OSBPL8: variants seen among roughly 807,000 people sequenced by gnomAD.
OSBPL8 encodes the protein oxysterol-binding protein-related protein 8.
In OSBPL8, 59 loss-of-function variants were observed where a neutral mutation model predicts 125.5. The observed-to-expected ratio is 0.47, with a 90% CI of 0.38 to 0.58. The LOEUF is 0.58. Ranked by LOEUF, OSBPL8 falls within the 20% of genes least tolerant of loss-of-function variation. The pLI is 0.00. For synonymous variants in OSBPL8, 330 were observed against 338.9 expected, an observed-to-expected ratio of 0.97 and a Z score of 0.29; for missense variants, 758 against 1,047.8, an observed-to-expected ratio of 0.72 and a Z score of 3.82.
chr12:76,476,196 G>T (rs748659286), intron 2 of OSBPL8, among the ~76,000 whole-genome samples: 3 of 152,178 alleles, frequency 2.0e-5, no homozygotes, highest in Non-Finnish European at 2.9e-5. Flanking sequence ...ATGGTGAAAA[G>T]TTAGTCCCTG....
chr12:76,520,720 G>A (rs970064061), intron 1 of OSBPL8, among the ~76,000 whole-genome samples: 7 of 152,060 alleles, frequency 4.6e-5, no homozygotes, highest in African/African-American at 1.7e-4. Flanking sequence ...GAGATAATGA[G>A]ATGATGGGGA....
chr12:76,525,500 T>C (rs1211683629), intron 1 of OSBPL8, among the ~76,000 whole-genome samples: 4 of 151,826 alleles, frequency 2.6e-5, no homozygotes, highest in African/African-American at 9.7e-5. Context: ...AAGAGCAATA[T>C]TCATTATGCA....
At chr12:76,394,005 C>G (rs1953684966) in intron 9 of OSBPL8, among the ~76,000 whole-genome samples, 1 of 151,912 alleles carries the variant, frequency 6.6e-6, no homozygotes, top group Non-Finnish European at 1.5e-5. Flanking sequence ...GGCAACAGAG[C>G]GAGACTCCAT....
chr12:76,444,425 C>T (rs909245575), intron 4 of OSBPL8, among the ~76,000 whole-genome samples: 2 of 152,068 alleles, frequency 1.3e-5, no homozygotes, highest in Middle Eastern at 3.2e-3. Flanking sequence ...CAAAAGAGAA[C>T]AGATTTAAAC....
chr12:76,531,540 G>T lies in OSBPL8; in HGVS notation c.-68+27857C>A, dbSNP rs530046453. ...GGAGACAGGAAAATATTAATAAGAT[G>T]TATCAAACTGTGACAATATGTGAAG... is the stretch of plus-strand genomic sequence containing the variant. On this transcript the variant is annotated intron_variant, in intron 1 of 23. Transcript: ENST00000261183. Among the ~76,000 whole-genome samples, 10 of 152,278 alleles carry T rather than the reference G, an allele frequency of 6.6e-5. No homozygotes were observed. The South Asian group carries it at 1.0e-3, about 16-fold the overall frequency.
At chr12:76,475,135 T>C (rs1183362884) in intron 2 of OSBPL8, among the ~76,000 whole-genome samples, 1 of 152,228 alleles carries the variant, frequency 6.6e-6, no homozygotes, top group East Asian at 1.9e-4. Context: ...ATTTTTTTTA[T>C]TTTAATCTTA....
At position 76,538,650 on chromosome 12, in the gene OSBPL8, T is replaced by A. The variant is rs183176379; in HGVS notation, c.-68+20747A>T. Among the ~76,000 whole-genome samples the A allele has an allele frequency of 2.9e-3, 447 of 152,234 alleles. 1 individual carries two copies. The highest frequency in any genetic ancestry group is 3.3e-3 in the Non-Finnish European group (222 of 68,000). ...GAAATTTGTCTATGGGACATCTATA[T>A]TATTCAGAACTTTGAGACCCAGTGC... On this transcript the variant is annotated intron_variant, in intron 1 of 23. Transcript: ENST00000261183.
intron 3 of OSBPL8, among the ~76,000 whole-genome samples, chr12:76,458,002 C>G (rs985065480): frequency 3.9e-5 from 6 of 152,156 alleles, no homozygotes; most frequent in Non-Finnish European, 7.3e-5. Flanking sequence ...TGCAGTGGCT[C>G]ACACCTGCAA....
At chr12:76,365,573 T>G (rs908710023) in intron 21 of OSBPL8, among the ~76,000 whole-genome samples, 1 of 152,194 alleles carries the variant, frequency 6.6e-6, no homozygotes, top group East Asian at 1.9e-4. Context: ...GTTTTACTTG[T>G]TTCCAATTTT....
At position 76,354,082 on chromosome 12, in the gene OSBPL8, T is replaced by C. The variant is rs1312311636; in HGVS notation, c.*1807A>G. ...ATTTAAACCATAAAAAAGATCAAATTGTACAATATTTACAGAATATCATAT... is the reference window on the plus strand; with the variant it reads ...ATTTAAACCATAAAAAAGATCAAATCGTACAATATTTACAGAATATCATAT... On this transcript the variant is annotated 3_prime_UTR_variant, in exon 24 of 24. Coordinates refer to ENST00000261183, the MANE Select transcript of OSBPL8 (RefSeq NM_020841.5). The C allele has an allele frequency of 6.6e-6, 1 of 152,290 alleles. No individual in the cohort carries two copies. Among genetic ancestry groups the C allele is most frequent in the Non-Finnish European group, 1.5e-5 (1 of 67,780 alleles). 9.4% of individuals were successfully genotyped at this position (152,290 alleles called of 1,614,324 possible).
intron 8 of OSBPL8, 28 bp downstream of exon 8, chr12:76,397,666 T>G: frequency 6.3e-7 from 1 of 1,594,266 alleles, no homozygotes. Context: ...ATCTTTACCT[T>G]TCACCTATGT....
intron 1 of OSBPL8, among the ~76,000 whole-genome samples, chr12:76,526,635 C>CTTTTTTT (rs573409160): frequency 9.3e-5 from 6 of 64,264 alleles, no homozygotes; most frequent in Admixed American, 2.8e-4. Context: ...CAGTAAATCT[C>CTTTTTTT]TTTTTTTTTT....
At chr12:76,539,264 G>A (rs1377515849) in intron 1 of OSBPL8, among the ~76,000 whole-genome samples, 10 of 151,982 alleles carry the variant, frequency 6.6e-5, no homozygotes, top group East Asian at 3.9e-4. Flanking sequence ...TTCTCTATGC[G>A]TATTTATGTC....
intron 4 of OSBPL8, among the ~76,000 whole-genome samples, chr12:76,421,879 C>T (rs1592652595): frequency 7.4e-6 from 1 of 135,756 alleles, no homozygotes; most frequent in African/African-American, 2.7e-5. Context: ...CTGTCAAATG[C>T]CTAATAAATA....
At chr12:76,382,716 C>G (rs941718346) in intron 15 of OSBPL8, among the ~76,000 whole-genome samples, 32 of 152,278 alleles carry the variant, frequency 2.1e-4, no homozygotes, top group African/African-American at 7.2e-4. Context: ...AACCCCATCT[C>G]TACTAAAAAT....
intron 3 of OSBPL8, among the ~76,000 whole-genome samples, chr12:76,455,196 TTGCACCAC>T (rs1873886684): frequency 6.6e-6 from 1 of 151,702 alleles, no homozygotes; most frequent in South Asian, 2.1e-4. Context: ...TGAGCCGAGA[TTGCACCAC>T]TGCACTCCAG....
At chr12:76,447,466 A>G (rs1872840978) in intron 4 of OSBPL8, among the ~76,000 whole-genome samples, 1 of 152,232 alleles carries the variant, frequency 6.6e-6, no homozygotes, top group Non-Finnish European at 1.5e-5. Context: ...AAGATACAGA[A>G]ACAAATTAAG....
At chr12:76,501,541 G>T (rs1476938607) in intron 1 of OSBPL8, among the ~76,000 whole-genome samples, 2 of 152,200 alleles carry the variant, frequency 1.3e-5, no homozygotes, top group Non-Finnish European at 2.9e-5. Context: ...GTATTTTAAT[G>T]ATCAAGGAAA....
chr12:76,537,443 C>A (rs899071972), intron 1 of OSBPL8, among the ~76,000 whole-genome samples: 3 of 152,054 alleles, frequency 2.0e-5, no homozygotes, highest in Non-Finnish European at 4.4e-5. Context: ...TAAGATTTTG[C>A]TTATAGAACA....
Sources: allele counts gnomAD v4.1 joint callset (sites outside exome capture counted in the v4.1 genomes callset), GRCh38; gene constraint gnomAD v4.1.1; transcripts MANE v1.5; gene names NCBI Gene and HGNC (gene_info 2026-07-23, HGNC 2026-07-21).